The following ROPN1L variants were observed in gnomAD, a reference collection of about 807,000 sequenced individuals.
ROPN1L encodes rhophilin associated tail protein 1 like.
A neutral mutation model predicts 22.7 loss-of-function variants in ROPN1L; 23 were observed. The observed-to-expected ratio is 1.01, with a 90% CI of 0.73 to 1.43. ROPN1L has a LOEUF of 1.43. Ranked by LOEUF, ROPN1L falls within the 40% of genes most tolerant of loss-of-function variation. The pLI is 0.00. For synonymous variants in ROPN1L, 116 were observed against 117.8 expected (o/e 0.98, Z 0.10); for missense variants, 271 against 291.5 (o/e 0.93, Z 0.51).
intron 2 of ROPN1L, among the ~76,000 whole-genome samples, chr5:10,448,890 C>A (rs1483127670): frequency 6.6e-6 from 1 of 152,310 alleles, no homozygotes; most frequent in South Asian, 2.1e-4. Context: ...CGCTTCTTTG[C>A]CCCACACGCC....
intron 3 of ROPN1L, among the ~76,000 whole-genome samples, chr5:10,457,736 C>T (rs1734873003): frequency 6.6e-6 from 1 of 152,190 alleles, no homozygotes; most frequent in South Asian, 2.1e-4. Context: ...TTATTCCTGA[C>T]ACAGCCACTG....
chr5:10,468,587 A>G (rs1735194933), downstream of ROPN1L, among the ~76,000 whole-genome samples: 1 of 152,260 alleles, frequency 6.6e-6, no homozygotes, highest in South Asian at 2.1e-4. Flanking sequence ...TTTAATAACT[A>G]CAAACTTTAT....
chr5:10,449,846 C>A (rs1430812490), intron 2 of ROPN1L, 106 bp from the exon 3 acceptor site: 3 of 907,852 alleles, frequency 3.3e-6, no homozygotes, highest in African/African-American at 1.7e-5. Flanking sequence ...GTTCATCTGT[C>A]CCCTGCATGG....
At chr5:10,458,769 TCGTGTACACCATTCCCC>T (rs767213729) in intron 3 of ROPN1L, among the ~76,000 whole-genome samples, 83 of 17,350 alleles carry the variant, frequency 4.8e-3, no homozygotes, top group Non-Finnish European at 8.0e-3. Context: ...CACCATCCCC[TCGTGTACACCATTCCCC>T]CGTGTACACC....
In ROPN1L at chr5:10,449,764, A is replaced by G. The variant is rs76278982; in HGVS notation, c.256-188A>G. On this transcript the variant is annotated intron_variant, in intron 2 of 4. Coordinates refer to ENST00000274134, the MANE Select transcript of ROPN1L (RefSeq NM_031916.5). ...CCGTCCTTTTTTCATTTAATAAATAAAAGGTTGCCGCTCGCTGCCTTCCCT... is the reference window on the plus strand; with the variant it reads ...CCGTCCTTTTTTCATTTAATAAATAGAAGGTTGCCGCTCGCTGCCTTCCCT... Among the ~76,000 whole-genome samples, 17 of 152,274 alleles carry G rather than the reference A, an allele frequency of 1.1e-4. No individual in the cohort carries two copies. In the East Asian group the frequency reaches 3.3e-3, roughly 29 times the overall value.
intron 3 of ROPN1L, among the ~76,000 whole-genome samples, chr5:10,460,252 C>T (rs867516491): frequency 1.5e-4 from 23 of 152,236 alleles, no homozygotes; most frequent in African/African-American, 5.3e-4. Context: ...ATGGTTCTCC[C>T]ACCTTCTTGA....
chr5:10,456,033 C>G (rs777505730), intron 3 of ROPN1L, among the ~76,000 whole-genome samples: 4 of 152,196 alleles, frequency 2.6e-5, no homozygotes, highest in African/African-American at 9.7e-5. Flanking sequence ...TGAGGGGCCT[C>G]ATATCATCAT....
chr5:10,453,925 T>C (rs1741336395), intron 3 of ROPN1L, among the ~76,000 whole-genome samples: 1 of 152,210 alleles, frequency 6.6e-6, no homozygotes, highest in South Asian at 2.1e-4. Context: ...TGTTCTGTTA[T>C]ATCCTTGAAG....
At chr5:10,447,278 C>T (rs1489048456) in intron 1 of ROPN1L, among the ~76,000 whole-genome samples, 1 of 152,218 alleles carries the variant, frequency 6.6e-6, no homozygotes, top group Non-Finnish European at 1.5e-5. Flanking sequence ...AAGGTCTTGC[C>T]TGGCACCCCT....
intron 3 of ROPN1L, among the ~76,000 whole-genome samples, chr5:10,451,442 C>T (rs188826725): frequency 1.4e-4 from 21 of 152,300 alleles, no homozygotes; most frequent in African/African-American, 2.6e-4. Context: ...CTATGTGTCC[C>T]GCAAGAGGTA....
intron 2 of ROPN1L, among the ~76,000 whole-genome samples, chr5:10,448,806 C>T (rs1741163139): frequency 6.6e-6 from 1 of 152,202 alleles, no homozygotes; most frequent in African/African-American, 2.4e-5. Context: ...GCGGGGCTGG[C>T]CTTTGGCCCC....
chr5:10,482,481 A>C, the ROPN1L span, among the ~76,000 whole-genome samples: 2 of 152,184 alleles, frequency 1.3e-5, no homozygotes, highest in Admixed American at 1.3e-4. Flanking sequence ...TGTCATGTAC[A>C]TTTCTTTCCC....
downstream of ROPN1L, among the ~76,000 whole-genome samples, chr5:10,467,079 G>C (rs183133245): frequency 6.6e-6 from 1 of 152,072 alleles, no homozygotes; most frequent in Non-Finnish European, 1.5e-5. Context: ...TACAATCACA[G>C]TCTGAGTTGC....
chr5:10,445,189 C>A (rs778381456), intron 1 of ROPN1L, among the ~76,000 whole-genome samples: 5 of 151,494 alleles, frequency 3.3e-5, no homozygotes, highest in Admixed American at 6.6e-5. Flanking sequence ...CCACGCTGGT[C>A]TGGAACTCCT....
chr5:10,459,391 T>TGGGTTCCTGCC (rs1561175222), intron 3 of ROPN1L, among the ~76,000 whole-genome samples: 3 of 151,200 alleles, frequency 2.0e-5, no homozygotes, highest in African/African-American at 4.9e-5. Flanking sequence ...CCCTCATCAC[T>TGGGTTCCTGCC]TCTCTTCACA....
intron 1 of ROPN1L, among the ~76,000 whole-genome samples, chr5:10,444,975 A>G (rs1427807723): frequency 5.3e-5 from 8 of 152,112 alleles, no homozygotes. Flanking sequence ...CTCAAGAGCC[A>G]TTTATTTATT....
intron 4 of ROPN1L, among the ~76,000 whole-genome samples, chr5:10,470,252 A>G (rs1020553375): frequency 6.6e-6 from 1 of 152,190 alleles, no homozygotes; most frequent in African/African-American, 2.4e-5. Flanking sequence ...TCCCAACTCT[A>G]TTATGTTGCT....
chr5:10,446,673 G>C (rs1741075995), intron 1 of ROPN1L, among the ~76,000 whole-genome samples: 1 of 100,886 alleles, frequency 9.9e-6, no homozygotes, highest in African/African-American at 3.4e-5. Flanking sequence ...AAAAAAAAAA[G>C]CGTCTCCAGA....
chr5:10,465,543 G>A (rs893315933), downstream of ROPN1L, among the ~76,000 whole-genome samples: 4 of 150,204 alleles, frequency 2.7e-5, no homozygotes, highest in African/African-American at 4.9e-5. Flanking sequence ...AAACACAAAC[G>A]AACAAACAAA....
Sources: gnomAD v4.1 joint callset for allele counts (sites outside exome capture counted in the v4.1 genomes callset) on GRCh38, gnomAD v4.1.1 for gene constraint, MANE v1.5 for transcripts, NCBI Gene and HGNC (gene_info 2026-07-23, HGNC 2026-07-21) for gene names.